The following ZFHX3 variants were observed in gnomAD, a reference collection of about 807,000 sequenced individuals.
The protein encoded by ZFHX3 is zinc finger homeobox 3.
In ZFHX3, 42 loss-of-function variants were observed where a neutral mutation model predicts 279.1. That is an observed-to-expected ratio of 0.15 (90% CI 0.12 to 0.19). The LOEUF (loss-of-function observed/expected upper bound fraction) is 0.19, where lower values mean the gene tolerates loss of function less well. ZFHX3 is among the 10% of genes least tolerant of loss of function. The pLI is 1.00. For synonymous variants in ZFHX3, 2,293 were observed against 1,957.8 expected (o/e 1.17, Z -4.52); for missense variants, 4,981 against 4,754.0 (o/e 1.05, Z -1.40).
chr16:73,726,253 G>A (rs1381127006), intron 1 of ZFHX3, among the ~76,000 whole-genome samples: 1 of 152,136 alleles, frequency 6.6e-6, no homozygotes, highest in Admixed American at 6.5e-5. Context: ...TAAATTGTGA[G>A]GGTAAATGTG....
At chr16:73,555,487 C>T (rs995955925) in intron 2 of ZFHX3, among the ~76,000 whole-genome samples, 1 of 151,886 alleles carries the variant, frequency 6.6e-6, no homozygotes, top group Admixed American at 6.6e-5. Flanking sequence ...CTCTCTGCCC[C>T]TCCGCTTCCC....
At chr16:73,890,433 T>C (rs988972331) in intron 1 of ZFHX3, among the ~76,000 whole-genome samples, 1 of 152,196 alleles carries the variant, frequency 6.6e-6, no homozygotes, top group Non-Finnish European at 1.5e-5. Flanking sequence ...CATTCTCGTT[T>C]GGTTTTGTTA....
intron 3 of ZFHX3, among the ~76,000 whole-genome samples, chr16:72,892,813 A>G (rs2038807364): frequency 6.6e-6 from 1 of 152,088 alleles, no homozygotes. Flanking sequence ...CTGACCTCTG[A>G]GCTGCTTTTA....
At chr16:73,722,204 T>C (rs886913056) in intron 1 of ZFHX3, among the ~76,000 whole-genome samples, 1 of 152,188 alleles carries the variant, frequency 6.6e-6, no homozygotes, top group Non-Finnish European at 1.5e-5. Context: ...TACATCCTAA[T>C]GGAGCAGTGG....
intron 5 of ZFHX3, among the ~76,000 whole-genome samples, chr16:73,191,667 C>A (rs929425969): frequency 6.6e-6 from 1 of 152,288 alleles, no homozygotes; most frequent in South Asian, 2.1e-4. Flanking sequence ...TAAGTCTGAT[C>A]TCTCTCTGGT....
intron 5 of ZFHX3, among the ~76,000 whole-genome samples, chr16:73,166,664 T>C (rs1271748028): frequency 1.3e-5 from 2 of 152,208 alleles, no homozygotes; most frequent in African/African-American, 4.8e-5. Context: ...TGGGGGAAAC[T>C]CAAGGAGGAT....
chr16:72,819,023 C>T (rs2036700367), intron 5 of ZFHX3, among the ~76,000 whole-genome samples: 1 of 152,190 alleles, frequency 6.6e-6, no homozygotes, highest in South Asian at 2.1e-4. Context: ...TTTAAAAATC[C>T]AGCAGCTCTT....
At chr16:73,650,534 T>G (rs2052660828) in intron 2 of ZFHX3, among the ~76,000 whole-genome samples, 2 of 152,134 alleles carry the variant, frequency 1.3e-5, no homozygotes, top group Non-Finnish European at 2.9e-5. Flanking sequence ...CTCACTTAGA[T>G]TTGCAGAATA....
intron 2 of ZFHX3, chr16:73,487,006 A>C: frequency 2.9e-6 from 1 of 342,984 alleles, no homozygotes; most frequent in East Asian, 7.4e-5. Context: ...TTGGAAAAAT[A>C]AGACTTATAA....
intron 4 of ZFHX3, among the ~76,000 whole-genome samples, chr16:73,317,541 C>T (rs913036497): frequency 2.0e-5 from 3 of 152,032 alleles, no homozygotes; most frequent in African/African-American, 4.8e-5. Context: ...TTATAGATGC[C>T]GGATGCCATT....
chr16:73,322,279 CTTT>C (rs35155886), intron 3 of ZFHX3, among the ~76,000 whole-genome samples: 1 of 145,738 alleles, frequency 6.9e-6, no homozygotes. Flanking sequence ...ATCTTCATGG[CTTT>C]TTTTTTTTTG....
chr16:73,789,107 G>A (rs980216008), intron 1 of ZFHX3, among the ~76,000 whole-genome samples: 1 of 150,932 alleles, frequency 6.6e-6, no homozygotes, highest in Non-Finnish European at 1.5e-5. Flanking sequence ...CAGATATCTT[G>A]TAGATATATA....
intron 1 of ZFHX3, among the ~76,000 whole-genome samples, chr16:73,879,585 T>C (rs1344863127): frequency 1.3e-5 from 2 of 152,128 alleles, no homozygotes; most frequent in Admixed American, 1.3e-4. Context: ...CAGGCAATAG[T>C]TAAGAAGCAA....
chr16:73,762,424 C>A (rs528432290), intron 1 of ZFHX3, among the ~76,000 whole-genome samples: 1 of 152,154 alleles, frequency 6.6e-6, no homozygotes, highest in Non-Finnish European at 1.5e-5. Flanking sequence ...TGTGGCGATT[C>A]CTTAAAGATC....
chr16:72,901,370 C>A (rs145980936), intron 3 of ZFHX3, among the ~76,000 whole-genome samples: 291 of 152,332 alleles, frequency 1.9e-3, no homozygotes, highest in Non-Finnish European at 3.5e-3. Context: ...AACCCAGAGG[C>A]TCCTCTTGAG....
At chr16:73,684,695 CTTTTTTTTTT>C in intron 1 of ZFHX3, among the ~76,000 whole-genome samples, 1 of 137,534 alleles carries the variant, frequency 7.3e-6, no homozygotes, top group African/African-American at 2.9e-5. Flanking sequence ...CACAAGGGTC[CTTTTTTTTTT>C]TTTTTTTTTT....
chr16:73,200,696 CT>C (rs1403966131), intron 5 of ZFHX3, among the ~76,000 whole-genome samples: 4 of 151,454 alleles, frequency 2.6e-5, no homozygotes, highest in East Asian at 1.9e-4. Context: ...AAATCACAGA[CT>C]TTTTTTTTAA....
At chr16:73,080,415 T>A (rs1419997079) in intron 8 of ZFHX3, among the ~76,000 whole-genome samples, 2 of 152,206 alleles carry the variant, frequency 1.3e-5, no homozygotes, top group Admixed American at 6.5e-5. Context: ...AAATGTCTGT[T>A]GATTGGGCCA....
At chr16:72,886,373 G>C (rs2038621173) in intron 4 of ZFHX3, among the ~76,000 whole-genome samples, 1 of 151,650 alleles carries the variant, frequency 6.6e-6, no homozygotes, top group African/African-American at 2.4e-5. Flanking sequence ...CTCCACTGAA[G>C]TTGCTCACAC....
Sources: allele counts gnomAD v4.1 joint callset (sites outside exome capture counted in the v4.1 genomes callset), GRCh38; gene constraint gnomAD v4.1.1; transcripts MANE v1.5; gene names NCBI Gene and HGNC (gene_info 2026-07-23, HGNC 2026-07-21).